The following RYR3 variants were observed in gnomAD, a reference collection of about 807,000 sequenced individuals.
RYR3 encodes brain ryanodine receptor-calcium release channel.
RYR3 carries 207 observed loss-of-function variants against 584.3 expected under a neutral mutation model. That is an observed-to-expected ratio of 0.35 (90% CI 0.32 to 0.40). RYR3 has a LOEUF of 0.40. Ranked by LOEUF, RYR3 falls within the 10% of genes least tolerant of loss-of-function variation. RYR3 has a pLI of 1.00. For synonymous variants in RYR3, 2,416 were observed against 2,248.5 expected, an observed-to-expected ratio of 1.07 and a Z score of -2.11; for missense variants, 5,616 against 6,089.2, an observed-to-expected ratio of 0.92 and a Z score of 2.59.
chr15:33,725,441 A>G (rs957573835), intron 45 of RYR3, among the ~76,000 whole-genome samples: 2 of 151,930 alleles, frequency 1.3e-5, no homozygotes. Context: ...AACGCCTACT[A>G]CACCCCGCCA....
intron 11 of RYR3, among the ~76,000 whole-genome samples, chr15:33,565,255 G>A (rs2057648745): frequency 6.6e-6 from 1 of 152,150 alleles, no homozygotes; most frequent in South Asian, 2.1e-4. Flanking sequence ...TGGGACCCAG[G>A]CCAAAGTAAA....
In RYR3 at chr15:33,831,620, G is replaced by C. The variant is rs2077680414; in HGVS notation, c.11463+529G>C. Among the ~76,000 whole-genome samples, 3 of 152,174 alleles carry C rather than the reference G, an allele frequency of 2.0e-5. 1 individual carries two copies. The highest frequency in any genetic ancestry group is 2.0e-4 in the Admixed American group (3 of 15,280). ...TGCAGTGGCAGTCAAACCCGCAAGT[G>C]TATTTCATGTTAACTGTCTAGATCT... On this transcript the variant is annotated intron_variant, in intron 86 of 103. Transcript: ENST00000634891.
chr15:33,748,807 A>G (rs1017614066), intron 55 of RYR3, among the ~76,000 whole-genome samples: 3 of 152,152 alleles, frequency 2.0e-5, no homozygotes, highest in African/African-American at 7.2e-5. Flanking sequence ...CTCAGCATCC[A>G]TGAAAGCTTT....
At chr15:33,501,852 A>G (rs1429555900) in intron 2 of RYR3, among the ~76,000 whole-genome samples, 2 of 152,320 alleles carry the variant, frequency 1.3e-5, no homozygotes, top group African/African-American at 4.8e-5. Context: ...CTCAAGTCCC[A>G]TACAAATAAG....
chr15:33,863,708 T>G (rs572568646), intron 102 of RYR3, among the ~76,000 whole-genome samples: 1 of 152,322 alleles, frequency 6.6e-6, no homozygotes, highest in African/African-American at 2.4e-5. Context: ...ACTTTCTAAC[T>G]TTTCCATGAC....
chr15:33,586,472 AAGCTGTAT>A (rs1247267080), intron 16 of RYR3, among the ~76,000 whole-genome samples: 1 of 152,202 alleles, frequency 6.6e-6, no homozygotes, highest in Non-Finnish European at 1.5e-5. Context: ...AGCTTATAAC[AAGCTGTAT>A]AGAAAAGGTA....
chr15:33,707,147 T>C (rs2066776618), intron 43 of RYR3, 93 bp downstream of exon 43: 1 of 1,441,446 alleles, frequency 6.9e-7, no homozygotes, highest in African/African-American at 1.4e-5. Flanking sequence ...TTGCTTCTTA[T>C]CTGAAAATAG....
intron 9 of RYR3, among the ~76,000 whole-genome samples, chr15:33,548,941 C>T (rs895414326): frequency 2.6e-5 from 4 of 152,134 alleles, no homozygotes; most frequent in South Asian, 4.2e-4. Context: ...AGTCTCCCCC[C>T]GAAAATATGT....
chr15:33,464,724 C>T (rs2048352142), intron 1 of RYR3, among the ~76,000 whole-genome samples: 1 of 151,940 alleles, frequency 6.6e-6, no homozygotes, highest in South Asian at 2.1e-4. Flanking sequence ...ACCTCACATA[C>T]TTACCTTTGT....
At chr15:33,837,566 G>T in intron 88 of RYR3, 65 bp from the exon 89 acceptor site, 1 of 1,464,290 alleles carries the variant, frequency 6.8e-7, no homozygotes, top group South Asian at 1.5e-5. Context: ...ATAGCTACCT[G>T]ACAAGTGACA....
chr15:33,773,006 A>G (rs747687675), intron 63 of RYR3, among the ~76,000 whole-genome samples: 1 of 152,232 alleles, frequency 6.6e-6, no homozygotes, highest in Non-Finnish European at 1.5e-5. Flanking sequence ...ATAAAATCAT[A>G]CTATTGAATT....
At chr15:33,598,050 A>G (rs1209642566) in intron 16 of RYR3, among the ~76,000 whole-genome samples, 1 of 152,044 alleles carries the variant, frequency 6.6e-6, no homozygotes, top group Non-Finnish European at 1.5e-5. Context: ...TACATCATAA[A>G]GTACAGAGAG....
At chr15:33,377,445 C>G (rs1314761421) in intron 1 of RYR3, among the ~76,000 whole-genome samples, 2 of 152,194 alleles carry the variant, frequency 1.3e-5, no homozygotes, top group Non-Finnish European at 2.9e-5. Flanking sequence ...TCATATCTAA[C>G]CGTCCAGTAC....
chr15:33,857,941 G>C (rs11857948), intron 99 of RYR3, 27 bp downstream of exon 99: 10 of 1,439,810 alleles, frequency 6.9e-6, no homozygotes, highest in East Asian at 2.2e-5. Flanking sequence ...TGCGGGGCCA[G>C]CCCACCCACT....
intron 27 of RYR3, among the ~76,000 whole-genome samples, chr15:33,640,526 T>C (rs1317762534): frequency 6.6e-6 from 1 of 152,224 alleles, no homozygotes; most frequent in African/African-American, 2.4e-5. Flanking sequence ...CTCTTTTATG[T>C]CTTCCTTTAG....
intron 48 of RYR3, 130 bp from the exon 49 acceptor site, chr15:33,736,105 C>T (rs771173628): frequency 4.2e-5 from 25 of 590,764 alleles, no homozygotes; most frequent in Middle Eastern, 3.3e-4. Flanking sequence ...CTTGTTTATC[C>T]GAGATCTTGT....
At chr15:33,710,224 T>C (rs930104094) in intron 43 of RYR3, among the ~76,000 whole-genome samples, 10 of 152,128 alleles carry the variant, frequency 6.6e-5, no homozygotes, top group Non-Finnish European at 1.5e-4. Context: ...ACTAAACTTC[T>C]GGTGAAGCCT....
Position 33,734,910 on chromosome 15 carries a change from C to T in RYR3, c.7425-1325C>T, listed in dbSNP as rs139500896. 2.6e-3 allele frequency among the ~76,000 whole-genome samples: 398 copies of T among 152,046 alleles called. 2 individuals carry two copies. Among genetic ancestry groups the T allele is most frequent in the African/African-American group, 8.8e-3 (367 of 41,482 alleles). On this transcript the variant is annotated intron_variant, in intron 48 of 103. Transcript: ENST00000634891. ...TTCACCATGTTAGCCAGGCTGGTCT[C>T]GAACTCCTGACCTCAGGTGATCACC...
At chr15:33,429,749 A>C (rs143329777) in intron 1 of RYR3, among the ~76,000 whole-genome samples, 127 of 152,356 alleles carry the variant, frequency 8.3e-4, no homozygotes, top group African/African-American at 3.0e-3. Context: ...AGAAAATCAC[A>C]AAAATGGAAT....
Sources: allele counts gnomAD v4.1 joint callset (sites outside exome capture counted in the v4.1 genomes callset), GRCh38; gene constraint gnomAD v4.1.1; transcripts MANE v1.5; gene names NCBI Gene and HGNC (gene_info 2026-07-23, HGNC 2026-07-21).